UROS: variants seen among roughly 807,000 people sequenced by gnomAD.
UROS encodes the protein uroporphyrinogen-III synthase.
Under a neutral mutation model 33.0 loss-of-function variants are expected in UROS, and 18 were observed. The observed-to-expected ratio is 0.55, with a 90% CI of 0.38 to 0.81. The LOEUF is 0.81. Ranked by LOEUF, UROS falls within the 30% of genes least tolerant of loss-of-function variation. UROS has a pLI of 0.00. For synonymous variants in UROS, 114 were observed against 121.1 expected (o/e 0.94, Z 0.38); for missense variants, 293 against 314.9 (o/e 0.93, Z 0.53).
intron 6 of UROS, among the ~76,000 whole-genome samples, chr10:125,800,707 G>C (rs1020352909): frequency 9.9e-5 from 15 of 151,910 alleles, no homozygotes; most frequent in African/African-American, 3.4e-4. Context: ...GATTACAGAC[G>C]CGGCCACCAA....
chr10:125,805,095 T>C (rs1433798940), intron 6 of UROS, among the ~76,000 whole-genome samples: 1 of 152,230 alleles, frequency 6.6e-6, no homozygotes, highest in Non-Finnish European at 1.5e-5. Flanking sequence ...TCCGAGCCGA[T>C]GAACGCACAT....
intron 6 of UROS, among the ~76,000 whole-genome samples, chr10:125,803,724 C>T (rs969282827): frequency 3.3e-5 from 5 of 152,178 alleles, no homozygotes; most frequent in African/African-American, 1.2e-4. Flanking sequence ...TGCCTCAGGG[C>T]TCCGGTCAAC....
intron 2 of UROS, 87 bp from the exon 3 acceptor site, chr10:125,816,347 T>G: frequency 6.2e-7 from 1 of 1,602,678 alleles, no homozygotes; most frequent in Non-Finnish European, 8.5e-7. Flanking sequence ...TCAGTTCCTC[T>G]GAGGTTTTGC....
At chr10:125,796,223 C>T in intron 7 of UROS, 35 bp from the exon 8 acceptor site, 1 of 1,603,162 alleles carries the variant, frequency 6.2e-7, no homozygotes, top group East Asian at 2.2e-5. Flanking sequence ...GACTTTACCG[C>T]ACTGGGCACA....
At chr10:125,793,805 A>C (rs1028410943) in intron 9 of UROS, 4 of 152,138 alleles carry the variant, frequency 2.6e-5, no homozygotes, top group Non-Finnish European at 5.9e-5. Flanking sequence ...GAGGCCTCCC[A>C]AAGTGCTGGG....
At chr10:125,815,245 C>T (rs749093284) in intron 3 of UROS, 115 bp from the exon 4 acceptor site, 2 of 1,137,410 alleles carry the variant, frequency 1.8e-6, no homozygotes, top group Non-Finnish European at 2.6e-6. Flanking sequence ...AAACTAATTC[C>T]TTCCACCCAT....
At chr10:125,789,099 T>C in intron 9 of UROS, 94 bp from the exon 10 acceptor site, 1 of 1,528,974 alleles carries the variant, frequency 6.5e-7, no homozygotes. Context: ...CAGCCAGCTT[T>C]GCGGTTGGAC....
intron 8 of UROS, among the ~76,000 whole-genome samples, chr10:125,795,789 C>T (rs181233973): frequency 6.6e-6 from 1 of 152,218 alleles, no homozygotes; most frequent in African/African-American, 2.4e-5. Context: ...TAAAAACTTA[C>T]CACTTCCTCA....
chr10:125,819,035 A>T lies in UROS; in HGVS notation c.-26-2510T>A, dbSNP rs1010943975. On this transcript the variant is annotated intron_variant, in intron 1 of 9. Transcript: ENST00000368797. ...AGTCCTGCTCTGTCGCCCAGGCTGG[A>T]GTGCAGTGGTGCAATCTCAACTCAC... 7.2e-5 allele frequency among the ~76,000 whole-genome samples: 11 copies of T among 152,084 alleles called. No individual in the cohort carries two copies. The East Asian group carries it at 7.7e-4, about 11-fold the overall frequency.
chr10:125,812,204 G>T lies in UROS; in HGVS notation c.319+10C>A. 1 of 1,612,692 alleles carries T rather than the reference G, an allele frequency of 6.2e-7. No individual in the cohort carries two copies. The highest frequency in any genetic ancestry group is 1.1e-5 in the South Asian group (1 of 91,048). On this transcript the variant is annotated intron_variant, in intron 5 of 9. Transcript: ENST00000368797. ...TTTTTTGTTGTTTTATTTTTACCTT[G>T]ACTCCTTACCTAGAGAAGCAGTAGC...
chr10:125,796,252 T>C (rs551128489), intron 7 of UROS, 64 bp from the exon 8 acceptor site: 97 of 1,506,058 alleles, frequency 6.4e-5, no homozygotes, highest in Non-Finnish European at 8.7e-5. Context: ...CCTCCACCAC[T>C]TCACAGCACA....
intron 8 of UROS, chr10:125,795,346 G>A: frequency 3.3e-6 from 1 of 307,490 alleles, no homozygotes; most frequent in East Asian, 8.0e-5. Context: ...CCCTGTCAAT[G>A]CTCCCTCCCT....
At chr10:125,822,658 A>G (rs1002387182) in intron 1 of UROS, among the ~76,000 whole-genome samples, 1 of 152,010 alleles carries the variant, frequency 6.6e-6, no homozygotes, top group Non-Finnish European at 1.5e-5. Context: ...AGGTTTTGCC[A>G]TGTTGGCCAG....
At chr10:125,806,062 G>C (rs972404104) in intron 6 of UROS, among the ~76,000 whole-genome samples, 2 of 152,180 alleles carry the variant, frequency 1.3e-5, no homozygotes, top group Admixed American at 1.3e-4. Context: ...AAAGACGCAG[G>C]ACTTTCTCTA....
intron 1 of UROS, among the ~76,000 whole-genome samples, chr10:125,819,196 A>G (rs1853628437): frequency 6.6e-6 from 1 of 152,112 alleles, no homozygotes; most frequent in Admixed American, 6.5e-5. Context: ...GTTGGCCAGG[A>G]TGGTCTCCAT....
intron 4 of UROS, among the ~76,000 whole-genome samples, chr10:125,814,674 C>CT (rs1491107898): frequency 2.0e-5 from 3 of 152,194 alleles, no homozygotes; most frequent in Non-Finnish European, 4.4e-5. Flanking sequence ...AAAGAGGTGA[C>CT]TGGGTCACTA....
chr10:125,787,758 T>A (rs1211188751), downstream of UROS, among the ~76,000 whole-genome samples: 1 of 152,162 alleles, frequency 6.6e-6, no homozygotes, highest in African/African-American at 2.4e-5. Flanking sequence ...TAATCCCGTT[T>A]TAGAACAGTT....
chr10:125,811,314 T>C (rs1852789776), intron 5 of UROS, among the ~76,000 whole-genome samples: 1 of 152,222 alleles, frequency 6.6e-6, no homozygotes, highest in Non-Finnish European at 1.5e-5. Flanking sequence ...CTATTTTCTT[T>C]CCTCTTCTCA....
Position 125,819,982 on chromosome 10 carries a change from A to G in UROS, c.-27+3047T>C, listed in dbSNP as rs539230987. Among the ~76,000 whole-genome samples, 196 of 152,244 alleles carry G rather than the reference A, an allele frequency of 1.3e-3. 1 individual carries two copies. The highest frequency in any genetic ancestry group is 4.5e-3 in the African/African-American group (188 of 41,524). Reference sequence around the variant, plus strand: ...ATCATTGATGAAAAAGAAAAGAAAAAAAAAATGACTGGAATAAGGGCACCT... The same window carrying G: ...ATCATTGATGAAAAAGAAAAGAAAAGAAAAATGACTGGAATAAGGGCACCT... On this transcript the variant is annotated intron_variant, in intron 1 of 9. Transcript: ENST00000368797.
Sources: allele counts gnomAD v4.1 joint callset (sites outside exome capture counted in the v4.1 genomes callset), GRCh38; gene constraint gnomAD v4.1.1; transcripts MANE v1.5; gene names NCBI Gene and HGNC (gene_info 2026-07-23, HGNC 2026-07-21).